The following SLC16A5 variants were observed in gnomAD, a reference collection of about 807,000 sequenced individuals.
The protein encoded by SLC16A5 is monocarboxylate transporter 6.
In SLC16A5, 29 loss-of-function variants were observed where a neutral mutation model predicts 33.2. The ratio of observed to expected loss-of-function variants is 0.87; its 90% CI spans 0.65 to 1.19. SLC16A5 has a LOEUF of 1.19. Among genes scored for constraint, SLC16A5 ranks in the 50% most tolerant of loss-of-function variants. SLC16A5 has a pLI of 0.00. For synonymous variants in SLC16A5, 248 were observed against 284.1 expected (o/e 0.87, Z 1.28); for missense variants, 606 against 678.2 (o/e 0.89, Z 1.18).
At chr17:75,102,545 C>T (rs1568009057) in intron 5 of SLC16A5, among the ~76,000 whole-genome samples, 1 of 148,314 alleles carries the variant, frequency 6.7e-6, no homozygotes, top group Non-Finnish European at 1.5e-5. Context: ...TAGAGGTGCA[C>T]GTGAGAGGCA....
At chr17:75,089,567 G>A (rs12947426) in intron 2 of SLC16A5, among the ~76,000 whole-genome samples, 37,860 of 151,542 alleles carry the variant, frequency 0.25, 5,854 homozygotes, top group Non-Finnish European at 0.34. Flanking sequence ...CCACCTGGCC[G>A]ATATGGTGAA....
chr17:75,106,856 C>G (rs2073868096), downstream of SLC16A5, among the ~76,000 whole-genome samples: 1 of 152,038 alleles, frequency 6.6e-6, no homozygotes, highest in Non-Finnish European at 1.5e-5. Context: ...GATCACGCCA[C>G]TGCACTACAG....
intron 3 of SLC16A5, among the ~76,000 whole-genome samples, chr17:75,097,191 C>T (rs910699072): frequency 6.6e-6 from 1 of 152,124 alleles, no homozygotes; most frequent in Non-Finnish European, 1.5e-5. Context: ...CAGACACACA[C>T]AAGCATCTCA....
intron 3 of SLC16A5, among the ~76,000 whole-genome samples, chr17:75,097,558 C>G (rs1371503990): frequency 6.6e-6 from 1 of 151,958 alleles, no homozygotes; most frequent in African/African-American, 2.4e-5. Flanking sequence ...TGGGAGGGAT[C>G]TAGCCAGTCT....
At chr17:75,095,623 G>T (rs559075548) in intron 3 of SLC16A5, among the ~76,000 whole-genome samples, 1 of 151,742 alleles carries the variant, frequency 6.6e-6, no homozygotes, top group Non-Finnish European at 1.5e-5. Flanking sequence ...TCAGCCTCCC[G>T]AGTAGCTGGG....
In SLC16A5 at chr17:75,105,877, CAG is replaced by C; in HGVS notation, c.1365-2_1365-1del. On this transcript the variant is annotated splice_acceptor_variant, in intron 6 of 6. Coordinates refer to ENST00000329783, the MANE Select transcript of SLC16A5 (RefSeq NM_004695.4). LOFTEE classifies it high-confidence loss of function. ...TATCAGGAGATTTTATTTTCATGAA[CAG>C]GTGCCAGTCTTCCCGCCAGCCACGT... 1 of 1,590,558 alleles carries C rather than the reference CAG, an allele frequency of 6.3e-7. No individual in the cohort carries two copies. The highest frequency in any genetic ancestry group is 1.1e-5 in the South Asian group (1 of 88,626).
rs115218209 is a variant in SLC16A5 at position 75,100,070 on chromosome 17, G to C, written c.407G>C (p.Arg136Pro). 3 of 1,613,502 alleles carry C rather than the reference G, an allele frequency of 1.9e-6. No homozygotes were observed. Among genetic ancestry groups the C allele is most frequent in the Non-Finnish European group, 2.5e-6 (3 of 1,179,974 alleles). Reference protein sequence around the residue: ...ITVLGFYFVRRRVLANALASM... With the variant: ...ITVLGFYFVRPRVLANALASM... ...GTGCTGGGCTTCTACTTTGTCCGCC[G>C]GCGGGTGCTGGCCAACGCGCTGGCC... is the stretch of plus-strand genomic sequence containing the variant. The change falls in exon 5 of 7, where the codon CGG becomes CCG. Residue 136 changes from arginine to proline, a missense_variant. Coordinates refer to ENST00000329783, the MANE Select transcript of SLC16A5 (RefSeq NM_004695.4).
intron 3 of SLC16A5, among the ~76,000 whole-genome samples, chr17:75,094,630 G>A (rs1292600536): frequency 6.6e-6 from 1 of 151,038 alleles, no homozygotes; most frequent in Non-Finnish European, 1.5e-5. Context: ...AGGTTGCGGT[G>A]AGCTGAGATG....
Position 75,100,308 on chromosome 17 carries a change from C to T in SLC16A5, c.645C>T (p.Cys215=). The T allele has an allele frequency of 6.2e-7, 1 of 1,614,226 alleles. No individual in the cohort carries two copies. Among genetic ancestry groups the T allele is most frequent in the Non-Finnish European group, 8.5e-7 (1 of 1,180,044 alleles). Residue 215 remains cysteine (C), a synonymous_variant, in exon 5 of 7, where the codon TGC becomes TGT. Transcript: ENST00000329783. ...CTCCCGAGACACCTGCACTTGGCTG[C>T]CTGGCTGCATGCGGCCGGACCATCC... ...PPPPETPALG[C]LAACGRTIQR... is the part of the protein sequence containing the mutation.
chr17:75,087,557 G>A (rs1290384014), upstream of SLC16A5, among the ~76,000 whole-genome samples: 2 of 152,216 alleles, frequency 1.3e-5, no homozygotes, highest in African/African-American at 4.8e-5. Flanking sequence ...AGCCCTCAAA[G>A]CTCGAGGCTT....
chr17:75,090,459 TTTC>T (rs202089065), intron 2 of SLC16A5: 3,153 of 126,766 alleles, frequency 0.025, 105 homozygotes, highest in African/African-American at 0.094. Flanking sequence ...TTTCTTTTCT[TTTC>T]TTTTTTTTTT....
intron 3 of SLC16A5, among the ~76,000 whole-genome samples, chr17:75,094,996 C>A (rs4789136): frequency 0.079 from 11,938 of 151,938 alleles, 1,004 homozygotes; most frequent in African/African-American, 0.22. Flanking sequence ...GCAGAGACCC[C>A]GGCCTCGGAG....
chr17:75,100,537 G>T lies in SLC16A5; in HGVS notation c.874G>T (p.Gly292Trp), dbSNP rs769032724. Residue 292 changes from glycine (G) to tryptophan (W), a missense_variant, in exon 5 of 7, where the codon GGG (glycine) becomes TGG (tryptophan). Transcript: ENST00000329783. ...FSNIFLRPLA[G>W]LMAGRPAFAS... ...CAACATCTTCCTGAGGCCCCTAGCC[G>T]GGCTGATGGCAGGACGGCCGGCCTT... 1 of 1,614,212 alleles carries T rather than the reference G, an allele frequency of 6.2e-7. No individual in the cohort carries two copies. The highest frequency in any genetic ancestry group is 8.5e-7 in the Non-Finnish European group (1 of 1,180,038).
At position 75,093,613 on chromosome 17, in the gene SLC16A5, C is replaced by G; in HGVS notation, c.-24C>G. 1 of 1,598,400 alleles carries G rather than the reference C, an allele frequency of 6.3e-7. No homozygotes were observed. Among genetic ancestry groups the G allele is most frequent in the Non-Finnish European group, 8.5e-7 (1 of 1,175,802 alleles). ...GGCAGCAGCCACATTGGCAGTGAGG[C>G]CGTGGCAGCGTCGGCAGCAGAGGAT... is the stretch of plus-strand genomic sequence containing the variant. On this transcript the variant is annotated 5_prime_UTR_variant, in exon 3 of 7. Transcript: ENST00000329783.
chr17:75,093,863 G>T (rs1355392075), intron 3 of SLC16A5, 28 bp downstream of exon 3: 2 of 1,606,072 alleles, frequency 1.2e-6, no homozygotes, highest in South Asian at 2.2e-5. Context: ...GGGCCGATGA[G>T]AAAGTCCTAG....
intron 3 of SLC16A5, among the ~76,000 whole-genome samples, chr17:75,096,886 G>A (rs559749057): frequency 2.0e-4 from 23 of 113,654 alleles, no homozygotes; most frequent in East Asian, 7.4e-4. Context: ...TCACTCTGTC[G>A]CCCAGGATGG....
At chr17:75,097,997 T>C in intron 3 of SLC16A5, 41 bp from the exon 4 acceptor site, 1 of 1,563,262 alleles carries the variant, frequency 6.4e-7, no homozygotes. Context: ...TCCCGCCACC[T>C]CCTCATTCAG....
downstream of SLC16A5, among the ~76,000 whole-genome samples, chr17:75,109,162 T>A (rs1458251814): frequency 2.0e-5 from 3 of 152,114 alleles, no homozygotes; most frequent in East Asian, 5.8e-4. This position sits in a 1 kb window ranked among gnomAD's most constrained non-coding sequence, Gnocchi z 5.0. Flanking sequence ...CGAGAAGGAA[T>A]CGGCCGAAGG....
chr17:75,093,372 G>A (rs1355496370), intron 2 of SLC16A5: 1 of 1,531,702 alleles, frequency 6.5e-7, no homozygotes, highest in Middle Eastern at 1.7e-4. Flanking sequence ...TGTCCTTCCT[G>A]CCACCTCCTG....
Sources: allele counts gnomAD v4.1 joint callset (sites outside exome capture counted in the v4.1 genomes callset), GRCh38; gene constraint gnomAD v4.1.1; non-coding constraint Gnocchi (gnomAD v3.1); transcripts MANE v1.5; gene names NCBI Gene and HGNC (gene_info 2026-07-23, HGNC 2026-07-21).